PRKACB: variants seen among roughly 807,000 people sequenced by gnomAD.
The protein encoded by PRKACB is protein kinase cAMP-activated catalytic subunit beta, also known as cAMP-dependent protein kinase catalytic subunit beta.
In PRKACB, 16 loss-of-function variants were observed where a neutral mutation model predicts 51.4. That is an observed-to-expected ratio of 0.31 (90% confidence interval 0.21 to 0.47). The LOEUF (loss-of-function observed/expected upper bound fraction) is 0.47. PRKACB is among the 20% of genes least tolerant of loss of function. PRKACB has a pLI of 1.00. For missense variants in PRKACB, 309 were observed against 464.5 expected, an observed-to-expected ratio of 0.67 and a Z score of 3.08; for synonymous variants, 147 against 154.4, an observed-to-expected ratio of 0.95 and a Z score of 0.35.
At chr1:84,196,261 C>A (rs41301154) in intron 5 of PRKACB, among the ~76,000 whole-genome samples, 82 of 152,088 alleles carry the variant, frequency 5.4e-4, no homozygotes, top group African/African-American at 1.9e-3. Flanking sequence ...GCAGTGGCCC[C>A]GATAGACACT....
At chr1:84,225,200 A>G (rs1393774730) in intron 9 of PRKACB, among the ~76,000 whole-genome samples, 2 of 152,154 alleles carry the variant, frequency 1.3e-5, no homozygotes, top group African/African-American at 4.8e-5. Context: ...GAGAGGTGGT[A>G]GGCAGAGTGA....
chr1:84,158,056 A>G (rs1655722796), intron 1 of PRKACB, among the ~76,000 whole-genome samples: 1 of 149,302 alleles, frequency 6.7e-6, no homozygotes, highest in Admixed American at 6.7e-5. Context: ...AATGCTTGGT[A>G]TCATCAGTCT....
At chr1:84,141,652 T>G (rs555571315), upstream of PRKACB, among the ~76,000 whole-genome samples, 11 of 152,126 alleles carry the variant, frequency 7.2e-5, no homozygotes, top group African/African-American at 2.6e-4. Context: ...TTGTTTTAAA[T>G]AAAGTAATCT....
At chr1:84,144,573 C>T (rs753804846) in intron 1 of PRKACB, 25 bp downstream of exon 1, 1 of 1,528,926 alleles carries the variant, frequency 6.5e-7, no homozygotes, top group African/African-American at 1.4e-5. Context: ...TTAAATGATA[C>T]ATTATAACTA....
rs1675538693 is a variant in PRKACB, at chr1:84,230,934, C to A, written c.1072-4246C>A. ...AATACCCTTTATTTCCTTCTCCTGC[C>A]TAATTGCCCTGGCCAGAACTTCCAA... On this transcript the variant is annotated intron_variant, in intron 9 of 9. Transcript: ENST00000370685. Among the ~76,000 whole-genome samples, 3 of 142,762 alleles carry A rather than the reference C, an allele frequency of 2.1e-5. No individual in the cohort carries two copies. In the South Asian group the frequency reaches 7.2e-4, roughly 34 times the overall value. 93.7% of individuals were successfully genotyped at this position (142,762 alleles called of 152,430 possible).
intron 1 of PRKACB, among the ~76,000 whole-genome samples, chr1:84,134,613 T>G (rs1652604047): frequency 7.6e-6 from 1 of 131,816 alleles, no homozygotes; most frequent in Admixed American, 7.5e-5. Context: ...TGTTAAGAGA[T>G]AAGATTAAAT....
intron 5 of PRKACB, among the ~76,000 whole-genome samples, chr1:84,195,407 T>A (rs956989674): frequency 4.6e-5 from 7 of 152,220 alleles, no homozygotes; most frequent in African/African-American, 1.7e-4. Context: ...CCAGATCAAA[T>A]TCATACCAAC....
intron 1 of PRKACB, chr1:84,173,366 T>G: frequency 6.4e-7 from 1 of 1,556,092 alleles, no homozygotes; most frequent in Non-Finnish European, 8.8e-7. Flanking sequence ...GGAAAACCCC[T>G]TTTTTTACAG....
intron 2 of PRKACB, among the ~76,000 whole-genome samples, chr1:84,181,179 C>A (rs1663326267): frequency 6.6e-6 from 1 of 151,828 alleles, no homozygotes; most frequent in South Asian, 2.1e-4. Flanking sequence ...GTTTGATTTG[C>A]AATACAGATA....
chr1:84,114,442 TTTAGTG>T (rs1026252244), intron 1 of PRKACB, among the ~76,000 whole-genome samples: 2 of 152,114 alleles, frequency 1.3e-5, no homozygotes, highest in African/African-American at 4.8e-5. Context: ...CAGGAGGGCC[TTTAGTG>T]TTATTTGTAG....
intron 1 of PRKACB, among the ~76,000 whole-genome samples, chr1:84,133,404 A>T (rs1400329167): frequency 6.6e-6 from 1 of 152,220 alleles, no homozygotes; most frequent in South Asian, 2.1e-4. Flanking sequence ...AAATAATGAT[A>T]AAAGGAAAAA....
At chr1:84,211,278 T>C (rs1672107029) in intron 8 of PRKACB, among the ~76,000 whole-genome samples, 3 of 152,178 alleles carry the variant, frequency 2.0e-5, no homozygotes, top group African/African-American at 7.2e-5. Flanking sequence ...TTATATGTAG[T>C]ACATTACTGT....
intron 5 of PRKACB, among the ~76,000 whole-genome samples, chr1:84,194,866 A>G (rs1289684446): frequency 1.3e-5 from 2 of 152,128 alleles, no homozygotes; most frequent in Non-Finnish European, 2.9e-5. Flanking sequence ...TGAGCCCAAG[A>G]GTTTGAGGCT....
At chr1:84,138,173 G>T (rs537591650) in intron 1 of PRKACB, among the ~76,000 whole-genome samples, 1 of 152,110 alleles carries the variant, frequency 6.6e-6, no homozygotes, top group East Asian at 1.9e-4. Flanking sequence ...GTGAGCATGG[G>T]GCATCTTGCA....
rs540377503 is a variant in PRKACB, at chr1:84,093,509, C to T, written c.46+15138C>T. Among the ~76,000 whole-genome samples the T allele has an allele frequency of 6.6e-5, 10 of 152,098 alleles. No individual in the cohort carries two copies. The South Asian group carries it at 1.9e-3, about 28-fold the overall frequency. On this transcript the variant is annotated intron_variant, in intron 1 of 8. Coordinates refer to the PRKACB transcript ENST00000370688. ...GTGTCAGTACAAAACTGCATGAATTCATATAACTTTATAATAGAAGTCATC... is the reference window on the plus strand; with the variant it reads ...GTGTCAGTACAAAACTGCATGAATTTATATAACTTTATAATAGAAGTCATC...
chr1:84,179,758 A>G (rs1323050049), intron 2 of PRKACB, among the ~76,000 whole-genome samples: 1 of 151,950 alleles, frequency 6.6e-6, no homozygotes, highest in African/African-American at 2.4e-5. Flanking sequence ...TACAAAAATA[A>G]TATTTTTGGA....
chr1:84,204,467 G>A (rs772905446), intron 8 of PRKACB: 4 of 1,555,554 alleles, frequency 2.6e-6, no homozygotes, highest in Non-Finnish European at 3.5e-6. Context: ...CTTTGTAATT[G>A]TTTTCTCCCA....
At chr1:84,132,112 T>C (rs778447499) in intron 1 of PRKACB, among the ~76,000 whole-genome samples, 6 of 152,124 alleles carry the variant, frequency 3.9e-5, no homozygotes, top group Non-Finnish European at 8.8e-5. Context: ...TGTATACCAC[T>C]GGAGAAAAGC....
chr1:84,158,792 A>G (rs973248182), intron 1 of PRKACB, among the ~76,000 whole-genome samples: 2 of 152,100 alleles, frequency 1.3e-5, no homozygotes, highest in Non-Finnish European at 2.9e-5. Context: ...CTAAAAGTCT[A>G]TTTTTTGAGT....
Sources: gnomAD v4.1 joint callset for allele counts (sites outside exome capture counted in the v4.1 genomes callset) on GRCh38, gnomAD v4.1.1 for gene constraint, MANE v1.5 for transcripts, NCBI Gene and HGNC (gene_info 2026-07-23, HGNC 2026-07-21) for gene names.